Variants in ANK3 observed in about 807,000 individuals in gnomAD.
ANK3 encodes the protein ankyrin-3.
ANK3 carries 57 observed loss-of-function variants against 370.9 expected under a neutral mutation model. That is an observed-to-expected ratio of 0.15 (90% CI 0.12 to 0.19). ANK3 has a LOEUF of 0.19. Among genes scored for constraint, ANK3 ranks in the 10% least tolerant of loss-of-function variants. The pLI, the probability that ANK3 is intolerant of heterozygous loss-of-function variation, is 1.00. For synonymous variants in ANK3, 1,929 were observed against 1,946.3 expected, an observed-to-expected ratio of 0.99 and a Z score of 0.23; for missense variants, 4,439 against 5,302.1, an observed-to-expected ratio of 0.84 and a Z score of 5.06.
intron 2 of ANK3, among the ~76,000 whole-genome samples, chr10:60,502,051 T>A (rs538272221): frequency 6.6e-6 from 1 of 152,054 alleles, no homozygotes; most frequent in South Asian, 2.1e-4. Context: ...ATACCCCAAA[T>A]GACTACAGGA....
At chr10:60,134,141 A>G in intron 25 of ANK3, 130 bp downstream of exon 25, 2 of 717,526 alleles carry the variant, frequency 2.8e-6, no homozygotes, top group Middle Eastern at 2.6e-4. Context: ...TTAACTGGCT[A>G]GTACCAGAAG....
intron 7 of ANK3, among the ~76,000 whole-genome samples, chr10:60,242,761 T>C (rs140800679): frequency 6.6e-6 from 1 of 152,332 alleles, no homozygotes; most frequent in Non-Finnish European, 1.5e-5. Flanking sequence ...CATTCACAGG[T>C]ATTTCATATC....
At chr10:60,365,042 G>A (rs1461334132) in intron 1 of ANK3, among the ~76,000 whole-genome samples, 2 of 124,500 alleles carry the variant, frequency 1.6e-5, no homozygotes, top group Non-Finnish European at 3.7e-5. Context: ...CCAAGTCAAG[G>A]CTTTGGCTAT....
At chr10:60,296,227 ACTAATACACT>A (rs1332598190) in intron 1 of ANK3, among the ~76,000 whole-genome samples, 1 of 152,230 alleles carries the variant, frequency 6.6e-6, no homozygotes, top group Non-Finnish European at 1.5e-5. Context: ...ATACTTGAAC[ACTAATACACT>A]TCCCCAGTGG....
Position 60,417,921 on chromosome 10 carries a change from A to T in ANK3, c.97-138282T>A, listed in dbSNP as rs149893734. Among the ~76,000 whole-genome samples, 245 of 152,248 alleles carry T rather than the reference A, an allele frequency of 1.6e-3. 1 individual carries two copies. Among genetic ancestry groups the T allele is most frequent in the African/African-American group, 5.6e-3 (233 of 41,562 alleles). On this transcript the variant is annotated intron_variant, in intron 2 of 43. Coordinates refer to the ANK3 transcript ENST00000373827. The stretch of plus-strand genomic sequence containing the variant: ...TCATACTTGAAAGGTTTTTTAAAAA[A>T]ATTTTGCTTTTACCACATACACATT...
intron 6 of ANK3, among the ~76,000 whole-genome samples, chr10:60,262,514 A>T (rs1324979467): frequency 1.3e-5 from 2 of 152,196 alleles, no homozygotes; most frequent in Non-Finnish European, 2.9e-5. Flanking sequence ...ATTCAATAAC[A>T]CATGTTTTTG....
chr10:60,176,743 G>C (rs939960212), intron 18 of ANK3, among the ~76,000 whole-genome samples: 1 of 152,018 alleles, frequency 6.6e-6, no homozygotes, highest in Admixed American at 6.6e-5. Flanking sequence ...TGAGTGACAA[G>C]AGCGAAACTT....
chr10:60,098,217 C>A (rs1408846288), intron 28 of ANK3, among the ~76,000 whole-genome samples: 3 of 152,108 alleles, frequency 2.0e-5, no homozygotes, highest in African/African-American at 7.2e-5. Flanking sequence ...GTTATATATT[C>A]TTTTCGAGGT....
chr10:60,617,686 C>T (rs2078283762), intron 1 of ANK3, among the ~76,000 whole-genome samples: 1 of 152,150 alleles, frequency 6.6e-6, no homozygotes, highest in African/African-American at 2.4e-5. Context: ...ACAGTATAAA[C>T]TTTATAGAGC....
intron 1 of ANK3, among the ~76,000 whole-genome samples, chr10:60,703,223 T>C (rs1383888549): frequency 6.6e-6 from 1 of 152,192 alleles, no homozygotes; most frequent in East Asian, 1.9e-4. Flanking sequence ...TGGAAAAATA[T>C]TGAAGAAATT....
intron 1 of ANK3, among the ~76,000 whole-genome samples, chr10:60,701,393 CT>C (rs1196944440): frequency 6.6e-6 from 1 of 151,040 alleles, no homozygotes; most frequent in African/African-American, 2.4e-5. Flanking sequence ...AGACATTGAT[CT>C]CAAAGATACA....
intron 23 of ANK3, among the ~76,000 whole-genome samples, chr10:60,158,644 A>G (rs931549938): frequency 1.6e-4 from 24 of 152,156 alleles, no homozygotes; most frequent in African/African-American, 4.6e-4. Context: ...AAATATTAAA[A>G]GCAAGAAATT....
intron 24 of ANK3, among the ~76,000 whole-genome samples, chr10:60,135,450 G>A (rs1264755108): frequency 6.6e-6 from 1 of 152,224 alleles, no homozygotes; most frequent in East Asian, 1.9e-4. Context: ...TCTAGAATTG[G>A]CTCCTCGGCA....
chr10:60,624,593 G>A lies in ANK3; in HGVS notation c.58-9369C>T, dbSNP rs150942516. Among the ~76,000 whole-genome samples, 364 of 152,214 alleles carry A rather than the reference G, an allele frequency of 2.4e-3. 2 individuals are homozygous for A. The highest frequency in any genetic ancestry group is 8.3e-3 in the African/African-American group (346 of 41,526). On this transcript the variant is annotated intron_variant, in intron 1 of 43. Coordinates refer to the ANK3 transcript ENST00000373827. ...ATCTTTCTAGCAAGTTATTAAACCT[G>A]AGGGTCGCCTTAGGAACTCAAAAAC...
chr10:60,542,418 AT>A lies in ANK3; in HGVS notation c.96+72767del, dbSNP rs2076870895. 2.6e-5 allele frequency among the ~76,000 whole-genome samples: 4 copies of A among 151,978 alleles called. No homozygotes were observed. In the South Asian group the frequency reaches 6.2e-4, roughly 24 times the overall value. On this transcript the variant is annotated intron_variant, in intron 2 of 43. Transcript: ENST00000373827. ...TGCTAAGAATGTTTGGATTGGCTGT[AT>A]TCTCTTTTATAAGCAGGGTTGGGTT...
At chr10:60,438,371 C>A (rs2064210616) in intron 2 of ANK3, among the ~76,000 whole-genome samples, 1 of 152,084 alleles carries the variant, frequency 6.6e-6, no homozygotes, top group Admixed American at 6.5e-5. Context: ...TACAATTAGG[C>A]CTACATTGAA....
chr10:60,539,335 G>A (rs2076794573), intron 2 of ANK3, among the ~76,000 whole-genome samples: 1 of 151,850 alleles, frequency 6.6e-6, no homozygotes. Flanking sequence ...ACCTTATGAA[G>A]AAATAGCACT....
rs760805799 is a variant in ANK3 at position 60,072,690 on chromosome 10, T to C, written c.8191A>G (p.Lys2731Glu). The C allele has an allele frequency of 6.2e-7, 1 of 1,614,102 alleles. No homozygotes were observed. The highest frequency in any genetic ancestry group is 8.5e-7 in the Non-Finnish European group (1 of 1,179,982). Residue 2731 changes from lysine (K) to glutamate (E), a missense_variant, in exon 37 of 44, where the codon AAG becomes GAG. Physicochemically the swap from Lys to Glu is moderately conservative, Grantham distance 56. Coordinates refer to ENST00000280772, the MANE Select transcript of ANK3 (RefSeq NM_020987.5). The part of the protein sequence containing the change: ...KFEQGTHAKS[K>E]DMSQEDRKSD... ...TTTCTGTCTTCTTGAGACATGTCCTTACTTTTTGCGTGTGTGCCTTGTTCA... is the reference window on the plus strand; with the variant it reads ...TTTCTGTCTTCTTGAGACATGTCCTCACTTTTTGCGTGTGTGCCTTGTTCA...
At chr10:60,374,642 AAAAAC>A (rs955886313) in intron 1 of ANK3, among the ~76,000 whole-genome samples, 7 of 152,312 alleles carry the variant, frequency 4.6e-5, no homozygotes, top group Admixed American at 2.0e-4. Flanking sequence ...ATATCATGTT[AAAAAC>A]AAAACAAAAC....
Sources: allele counts gnomAD v4.1 joint callset (sites outside exome capture counted in the v4.1 genomes callset), GRCh38; gene constraint gnomAD v4.1.1; transcripts MANE v1.5; gene names NCBI Gene and HGNC (gene_info 2026-07-23, HGNC 2026-07-21).